Variants in EPHA5 observed in about 807,000 individuals in gnomAD.
EPHA5 encodes the protein ephrin type-A receptor 5.
A neutral mutation model predicts 105.0 loss-of-function variants in EPHA5; 60 were observed. The ratio of observed to expected loss-of-function variants is 0.57; its 90% CI spans 0.46 to 0.71. EPHA5 has a LOEUF of 0.71. Ranked by LOEUF, EPHA5 falls within the 30% of genes least tolerant of loss-of-function variation. EPHA5 has a pLI of 0.00. For synonymous variants in EPHA5, 513 were observed against 449.1 expected (o/e 1.14, Z -1.80); for missense variants, 1,218 against 1,274.7 (o/e 0.96, Z 0.68).
chr4:65,492,538 CAAAAA>C (rs10543479), intron 4 of EPHA5, among the ~76,000 whole-genome samples: 5 of 84,900 alleles, frequency 5.9e-5, no homozygotes, highest in Admixed American at 1.4e-4. Context: ...GACATCTTTG[CAAAAA>C]AAAAAAAAAA....
chr4:65,590,141 T>C (rs1457929585), intron 3 of EPHA5, among the ~76,000 whole-genome samples: 1 of 152,208 alleles, frequency 6.6e-6, no homozygotes, highest in Non-Finnish European at 1.5e-5. Flanking sequence ...TATCATTTGC[T>C]CTAATTGTTA....
At chr4:65,546,720 A>C (rs893865254) in intron 3 of EPHA5, among the ~76,000 whole-genome samples, 1 of 152,070 alleles carries the variant, frequency 6.6e-6, no homozygotes, top group African/African-American at 2.4e-5. Flanking sequence ...AACTAGTAAG[A>C]GCAATTTACA....
chr4:65,394,169 A>C (rs9790818), intron 8 of EPHA5, among the ~76,000 whole-genome samples: 24,731 of 152,128 alleles, frequency 0.16, 2,384 homozygotes, highest in East Asian at 0.28. Context: ...ACTAAAATTC[A>C]ATGTATTTTT....
At chr4:65,366,134 G>T in intron 9 of EPHA5, 77 bp from the exon 10 acceptor site, 1 of 1,353,870 alleles carries the variant, frequency 7.4e-7, no homozygotes, top group Non-Finnish European at 1.0e-6. Context: ...TAACATGCAA[G>T]TATGGCTTAA....
rs976122445 is a variant in EPHA5 at position 65,319,969 on chromosome 4, T to G, written c.*4145A>C. The G allele has an allele frequency of 4.3e-6, 1 of 229,934 alleles. No individual in the cohort carries two copies. Among genetic ancestry groups the G allele is most frequent in the African/African-American group, 2.2e-5 (1 of 45,124 alleles). 14.2% of individuals were successfully genotyped at this position (229,934 alleles called of 1,614,324 possible). ...GTTCCCAGCCTGAATAAACATGACA[T>G]TTTACCACCTTCAATTTTCTCCATT... is the stretch of plus-strand genomic sequence containing the variant. On this transcript the variant is annotated 3_prime_UTR_variant, in exon 17 of 17. Transcript: ENST00000613740.
chr4:65,510,622 G>A (rs1375233999), intron 3 of EPHA5, among the ~76,000 whole-genome samples: 2 of 152,148 alleles, frequency 1.3e-5, no homozygotes, highest in East Asian at 1.9e-4. Flanking sequence ...ATAACTGCTG[G>A]CAGCAGAAAC....
At chr4:65,527,434 C>T (rs1041769642) in intron 3 of EPHA5, among the ~76,000 whole-genome samples, 7 of 151,900 alleles carry the variant, frequency 4.6e-5, no homozygotes, top group Admixed American at 2.0e-4. Context: ...ACACACAGAG[C>T]AAATACATGG....
intron 15 of EPHA5, among the ~76,000 whole-genome samples, chr4:65,334,583 A>C (rs1004527291): frequency 2.6e-5 from 4 of 151,970 alleles, no homozygotes; most frequent in Non-Finnish European, 5.9e-5. Flanking sequence ...GAGACAATGG[A>C]CCAGGAACTA....
intron 3 of EPHA5, among the ~76,000 whole-genome samples, chr4:65,590,969 A>T (rs1186008008): frequency 1.3e-5 from 2 of 152,100 alleles, no homozygotes; most frequent in African/African-American, 4.8e-5. Flanking sequence ...TACGATTCTA[A>T]GGCTAAAATT....
At chr4:65,376,840 T>C in intron 8 of EPHA5, among the ~76,000 whole-genome samples, 2 of 152,148 alleles carry the variant, frequency 1.3e-5, no homozygotes, top group Middle Eastern at 6.8e-3. Context: ...ATAATATTTA[T>C]TTGAAATAAT....
intron 3 of EPHA5, among the ~76,000 whole-genome samples, chr4:65,538,787 C>T (rs1736540860): frequency 6.6e-6 from 1 of 151,606 alleles, no homozygotes; most frequent in African/African-American, 2.4e-5. Flanking sequence ...GGAAATGACT[C>T]ATATAACTTC....
intron 16 of EPHA5, among the ~76,000 whole-genome samples, chr4:65,325,242 A>G (rs889053020): frequency 4.0e-5 from 6 of 151,420 alleles, no homozygotes; most frequent in Non-Finnish European, 7.4e-5. Flanking sequence ...TGAATTAATG[A>G]CATTAGACAT....
At chr4:65,364,945 C>G (rs1161493154) in intron 11 of EPHA5, 72 bp downstream of exon 11, 1 of 1,258,336 alleles carries the variant, frequency 7.9e-7, no homozygotes, top group East Asian at 2.4e-5. Flanking sequence ...TTTCTCTTTA[C>G]CCTAAATTAA....
intron 7 of EPHA5, 87 bp from the exon 8 acceptor site, chr4:65,404,566 T>C (rs1722177381): frequency 3.5e-6 from 4 of 1,148,300 alleles, no homozygotes; most frequent in Admixed American, 4.1e-5. Context: ...AGTAATCAAT[T>C]CATGATTTAA....
chr4:65,603,477 A>C (rs539654089), intron 2 of EPHA5, among the ~76,000 whole-genome samples: 60 of 67,372 alleles, frequency 8.9e-4, no homozygotes, highest in African/African-American at 3.6e-3. Context: ...TATTGTAGAT[A>C]AAAAAAACTT....
chr4:65,348,696 A>G (rs1722481905), intron 13 of EPHA5, among the ~76,000 whole-genome samples: 2 of 22,992 alleles, frequency 8.7e-5, no homozygotes, highest in African/African-American at 2.2e-4. Flanking sequence ...ATATATATAT[A>G]TAAAATATAT....
In EPHA5 at chr4:65,355,475, ACT is replaced by A. The variant is rs1485589588; in HGVS notation, c.2174-2374_2174-2373del. The stretch of plus-strand genomic sequence containing the variant: ...ACTCTTTTTAAAGGACCTCAGGCAA[ACT>A]CTAAAATAGACACAGTTCTGCTTTG... On this transcript the variant is annotated intron_variant, in intron 11 of 16. Coordinates refer to ENST00000613740, the MANE Select transcript of EPHA5 (RefSeq NM_001281766.3). Among the ~76,000 whole-genome samples, 4 of 151,504 alleles carry A rather than the reference ACT, an allele frequency of 2.6e-5. No individual in the cohort carries two copies. In the Admixed American group the frequency reaches 2.6e-4, roughly 10 times the overall value.
chr4:65,379,481 T>C (rs1171610886), intron 8 of EPHA5, among the ~76,000 whole-genome samples: 1 of 151,768 alleles, frequency 6.6e-6, no homozygotes, highest in Non-Finnish European at 1.5e-5. Context: ...GATAATTTGG[T>C]TAACCTTTCT....
At chr4:65,348,700 A>AATATATATGTGTGTGT (rs71205358) in intron 13 of EPHA5, among the ~76,000 whole-genome samples, 1 of 20,328 alleles carries the variant, frequency 4.9e-5, no homozygotes, top group African/African-American at 1.3e-4. Context: ...ATATATATAA[A>AATATATATGTGTGTGT]ATATATATGT....
Sources: allele counts gnomAD v4.1 joint callset (sites outside exome capture counted in the v4.1 genomes callset), GRCh38; gene constraint gnomAD v4.1.1; transcripts MANE v1.5; gene names NCBI Gene and HGNC (gene_info 2026-07-23, HGNC 2026-07-21).